Variants in SLC27A3 observed in about 807,000 individuals in gnomAD.
SLC27A3 encodes solute carrier family 27 member 3.
In SLC27A3, 60 loss-of-function variants were observed where a neutral mutation model predicts 60.1. The ratio of observed to expected loss-of-function variants is 1.00; its 90% CI spans 0.81 to 1.24. The LOEUF (loss-of-function observed/expected upper bound fraction) is 1.24. SLC27A3 is among the 50% of genes most tolerant of loss of function. The pLI, the probability that SLC27A3 is intolerant of heterozygous loss-of-function variation, is 0.00. For missense variants in SLC27A3, 1,079 were observed against 929.9 expected (o/e 1.16, Z -2.09); for synonymous variants, 455 against 409.0 (o/e 1.11, Z -1.36).
At chr1:153,779,547 T>C in intron 9 of SLC27A3, 74 bp downstream of exon 9, 1 of 1,524,178 alleles carries the variant, frequency 6.6e-7, no homozygotes, top group Non-Finnish European at 8.9e-7. Flanking sequence ...GTGTATCAAC[T>C]TAGGAGTTTG....
Position 153,775,945 on chromosome 1 carries a change from G to C in SLC27A3, c.448G>C (p.Gly150Arg), listed in dbSNP as rs1182150857. The C allele has an allele frequency of 1.4e-6, 2 of 1,449,344 alleles. No homozygotes were observed. Among genetic ancestry groups the C allele is most frequent in the Non-Finnish European group, 1.8e-6 (2 of 1,108,248 alleles). The allele number at this position is 1,449,344 out of a possible 1,614,324, so 89.8% of individuals were successfully genotyped here. ...GGCCGGAAGCGGCGCGGAGTTTGCCGGAGGGGACGGTGCCGCCAGAGGTGG... is the reference window on the plus strand; with the variant it reads ...GGCCGGAAGCGGCGCGGAGTTTGCCCGAGGGGACGGTGCCGCCAGAGGTGG... ...AAAGSGAEFA[G>R]GDGAARGGGA... Residue 150 changes from glycine (G) to arginine (R), a missense_variant, in exon 1 of 10, where the codon GGA becomes CGA. Coordinates refer to ENST00000624995, the MANE Select transcript of SLC27A3 (RefSeq NM_024330.4).
Position 153,778,347 on chromosome 1 carries a change from CT to C in SLC27A3, c.1351del (p.Tyr451ThrfsTer9). 6.2e-7 allele frequency: 1 copy of C among 1,613,878 alleles called. No individual in the cohort carries two copies. ...GGGCGCTGTGGGGCGTGCTTCCTGG[CT>C]TTACAAGGTGAGGGGCAGAGAGGAA... is the stretch of plus-strand genomic sequence containing the variant. ...QRGAVGRASW[L>X]YKHIFPFSLI... is the part of the protein sequence containing the mutation. On this transcript the variant is annotated frameshift_variant, in exon 5 of 10. Coordinates refer to ENST00000624995, the MANE Select transcript of SLC27A3 (RefSeq NM_024330.4). LOFTEE classifies it high-confidence loss of function.
At chr1:153,776,820 G>A in intron 2 of SLC27A3, 93 bp downstream of exon 2, 1 of 1,250,168 alleles carries the variant, frequency 8.0e-7, no homozygotes, top group South Asian at 1.3e-5. Context: ...CCCCCAGAGA[G>A]GATGCTGATT....
At chr1:153,778,585 G>A in intron 6 of SLC27A3, 32 bp downstream of exon 6, 1 of 1,610,562 alleles carries the variant, frequency 6.2e-7, no homozygotes, top group South Asian at 1.1e-5. Context: ...TGGGCGGGGT[G>A]CTGAAGCTGG....
At position 153,776,727 on chromosome 1, in the gene SLC27A3, G is replaced by T; in HGVS notation, c.877G>T (p.Gly293Cys). The change falls in exon 2 of 10, where the codon GGC becomes TGC. Residue 293 changes from glycine (G) to cysteine (C), a missense_variant and splice_region_variant. Coordinates refer to ENST00000624995, the MANE Select transcript of SLC27A3 (RefSeq NM_024330.4). ...GTACATCTTCACCTCTGGCACCACG[G>T]GTGAGGGCCGGGCACCATACTTAGC... ...CLYIFTSGTT[G>C]LPKAARISHL... 1 of 1,614,012 alleles carries T rather than the reference G, an allele frequency of 6.2e-7. No homozygotes were observed. The highest frequency in any genetic ancestry group is 8.5e-7 in the Non-Finnish European group (1 of 1,179,932).
intron 4 of SLC27A3, 117 bp downstream of exon 4, chr1:153,778,002 G>A: frequency 6.6e-7 from 1 of 1,516,316 alleles, no homozygotes; most frequent in Non-Finnish European, 8.9e-7. Flanking sequence ...AAATGGCAGT[G>A]TAAGATAAGG....
Position 153,777,121 on chromosome 1 carries a change from C to T in SLC27A3, c.937C>T (p.Gln313Ter). ...LKILQCQGFYQLCGVHQEDVI... is the reference protein window; with the variant it reads ...LKILQCQGFY ...GATCCTGCAATGCCAGGGCTTCTAT[C>T]AGCTGTGTGGTGTCCACCAGGAAGA... is the stretch of plus-strand genomic sequence containing the variant. The change falls in exon 3 of 10, where the codon CAG (glutamine) becomes TAG (stop). Residue 313 changes from glutamine to a stop codon, truncating the protein, a stop_gained. Coordinates refer to ENST00000624995, the MANE Select transcript of SLC27A3 (RefSeq NM_024330.4). LOFTEE classifies it high-confidence loss of function. 1.2e-6 allele frequency: 2 copies of T among 1,614,242 alleles called. No individual in the cohort carries two copies. Among genetic ancestry groups the T allele is most frequent in the Non-Finnish European group, 1.7e-6 (2 of 1,180,042 alleles).
chr1:153,776,300 A>C (rs1206645658), intron 1 of SLC27A3, 136 bp downstream of exon 1: 3 of 1,417,882 alleles, frequency 2.1e-6, no homozygotes, highest in Non-Finnish European at 2.8e-6. Context: ...AAGTGGGTGG[A>C]GATAGGAGTC....
intron 1 of SLC27A3, 139 bp downstream of exon 1, chr1:153,776,303 T>C (rs1673219899): frequency 2.8e-6 from 4 of 1,411,748 alleles, no homozygotes; most frequent in African/African-American, 1.4e-5. Context: ...TGGGTGGAGA[T>C]AGGAGTCTCC....
At chr1:153,777,651 C>T in intron 3 of SLC27A3, 110 bp from the exon 4 acceptor site, 1 of 1,392,948 alleles carries the variant, frequency 7.2e-7, no homozygotes, top group Non-Finnish European at 1.0e-6. Context: ...ACAGTGGGCC[C>T]TTCCCAGGGA....
chr1:153,775,947 A>G lies in SLC27A3; in HGVS notation c.450A>G (p.Gly150=). ...CCGGAAGCGGCGCGGAGTTTGCCGG[A>G]GGGGACGGTGCCGCCAGAGGTGGAG... ...AAAGSGAEFA[G]GDGAARGGGA... The change falls in exon 1 of 10, where the codon GGA becomes GGG. Residue 150 remains glycine, a synonymous_variant. Coordinates refer to ENST00000624995, the MANE Select transcript of SLC27A3 (RefSeq NM_024330.4). 7 of 1,449,748 alleles carry G rather than the reference A, an allele frequency of 4.8e-6. No individual in the cohort carries two copies. The highest frequency in any genetic ancestry group is 1.5e-5 in the African/African-American group (1 of 67,160). The allele number at this position is 1,449,748 out of a possible 1,614,324, so 89.8% of individuals were successfully genotyped here.
At position 153,778,521 on chromosome 1, in the gene SLC27A3, A is replaced by T. The variant is rs1371279423; in HGVS notation, c.1415A>T (p.Asp472Val). The T allele has an allele frequency of 6.2e-7, 1 of 1,613,846 alleles. No individual in the cohort carries two copies. Among genetic ancestry groups the T allele is most frequent in the Non-Finnish European group, 8.5e-7 (1 of 1,179,986 alleles). Reference sequence around the variant, plus strand: ...GTCACCACAGGAGAGCCAATTCGGGACCCCCAGGGGCACTGTATGGCCACA... The same window carrying T: ...GTCACCACAGGAGAGCCAATTCGGGTCCCCCAGGGGCACTGTATGGCCACA... ...YDVTTGEPIRDPQGHCMATSP... is the reference protein window; with the variant it reads ...YDVTTGEPIRVPQGHCMATSP... Residue 472 changes from aspartate to valine, a missense_variant, in exon 6 of 10, where the codon GAC (aspartate) becomes GTC (valine). Physicochemically the swap from Asp to Val is radical, Grantham distance 152. Coordinates refer to ENST00000624995, the MANE Select transcript of SLC27A3 (RefSeq NM_024330.4).
At position 153,775,538 on chromosome 1, in the gene SLC27A3, C is replaced by CGCTGCT. The variant is rs748752830; in HGVS notation, c.49_54dup (p.Leu17_Leu18dup). 1 of 1,612,504 alleles carries CGCTGCT rather than the reference C, an allele frequency of 6.2e-7. No individual in the cohort carries two copies. Among genetic ancestry groups the CGCTGCT allele is most frequent in the Admixed American group, 1.7e-5 (1 of 60,016 alleles). On this transcript the variant is annotated inframe_insertion, in exon 1 of 10. Transcript: ENST00000624995. Reference sequence around the variant, plus strand: ...CTGCTGCCCCTGCTGCTGTTGCTACCGCTGCTGCTGCTGAAGCTACACCTC... The same window carrying CGCTGCT: ...CTGCTGCCCCTGCTGCTGTTGCTACCGCTGCTGCTGCTGCTGCTGAAGCTACACCTC...
rs1176043639 is a variant in SLC27A3, at chr1:153,778,738, G to T, written c.1499G>T (p.Gly500Val). 1.2e-6 allele frequency: 2 copies of T among 1,613,722 alleles called. No homozygotes were observed. The highest frequency in any genetic ancestry group is 3.3e-5 in the Admixed American group (2 of 60,020). The stretch of plus-strand genomic sequence containing the variant: ...GTAAGCCAGCAGTCCCCATTCCTGG[G>T]CTATGCTGGCGGGCCAGAGCTGGCC... ...APVSQQSPFL[G>V]YAGGPELAQG... Residue 500 changes from glycine to valine, a missense_variant, in exon 7 of 10, where the codon GGC becomes GTC. Transcript: ENST00000624995.
At chr1:153,777,280 C>A in intron 3 of SLC27A3, 60 bp downstream of exon 3, 1 of 1,586,992 alleles carries the variant, frequency 6.3e-7, no homozygotes, top group Admixed American at 1.7e-5. Context: ...TAAGCACGTA[C>A]TATGGTGTGA....
chr1:153,780,079 G>C lies in SLC27A3; in HGVS notation c.*77G>C. ...GTTGCAGGTGTACTGGGCTGTCAGG[G>C]ATCTTTTCTATACCAGAACTGCGGT... is the stretch of plus-strand genomic sequence containing the variant. On this transcript the variant is annotated 3_prime_UTR_variant, in exon 10 of 10. Transcript: ENST00000624995. The C allele has an allele frequency of 7.4e-7, 1 of 1,349,204 alleles. No individual in the cohort carries two copies. Among genetic ancestry groups the C allele is most frequent in the Non-Finnish European group, 1.0e-6 (1 of 983,838 alleles). The allele number at this position is 1,349,204 out of a possible 1,614,324, so 83.6% of individuals were successfully genotyped here. A position where few individuals can be genotyped will look rare whatever the true frequency, so the allele number is the denominator to read the frequency against.
Position 153,776,666 on chromosome 1 carries a change from CCT to C in SLC27A3, c.821_822del (p.Ser274PhefsTer121), listed in dbSNP as rs1558019737. The C allele has an allele frequency of 1.9e-6, 3 of 1,614,188 alleles. No homozygotes were observed. The highest frequency in any genetic ancestry group is 2.5e-6 in the Non-Finnish European group (3 of 1,180,036). On this transcript the variant is annotated frameshift_variant, in exon 2 of 10. Transcript: ENST00000624995. LOFTEE classifies it high-confidence loss of function. ...AEVDGPVPGY[L>X]SSPQSITDTC... ...AAGTGGATGGGCCAGTGCCAGGATA[CCT>C]CTCTTCCCCCCAGAGCATAACAGAC...
In SLC27A3 at chr1:153,775,447, A is replaced by T. The variant is rs776733663; in HGVS notation, c.-51A>T. On this transcript the variant is annotated 5_prime_UTR_variant, in exon 1 of 10. An upstream start codon of the reference 5' UTR is lost. Coordinates refer to ENST00000624995, the MANE Select transcript of SLC27A3 (RefSeq NM_024330.4). ...AGGTTTTCGGAAGGGAGGATCAGGG[A>T]TGTTTGCGAGCGGCTGGAACCAGAC... 7.4e-6 allele frequency: 12 copies of T among 1,612,384 alleles called. No homozygotes were observed. The highest frequency in any genetic ancestry group is 1.0e-5 in the Non-Finnish European group (12 of 1,180,018).
Position 153,778,581 on chromosome 1 carries a change from G to A in SLC27A3, c.1447+28G>A, listed in dbSNP as rs1673364179. ...TGGTGGTGTTCTGGTGGGGTGGGCG[G>A]GGTGCTGAAGCTGGCACAGGAGGAC... is the stretch of plus-strand genomic sequence containing the variant. On this transcript the variant is annotated intron_variant, in intron 6 of 9. Transcript: ENST00000624995. 3 of 1,611,162 alleles carry A rather than the reference G, an allele frequency of 1.9e-6. No homozygotes were observed. In the East Asian group the frequency reaches 6.7e-5, roughly 36 times the overall value.
Sources: allele counts gnomAD v4.1 joint callset, GRCh38; gene constraint gnomAD v4.1.1; transcripts MANE v1.5; gene names NCBI Gene and HGNC (gene_info 2026-07-23, HGNC 2026-07-21).